The following DNAH1 variants were observed in gnomAD, a reference collection of about 807,000 sequenced individuals.
The protein encoded by DNAH1 is dynein axonemal heavy chain 1, also known as axonemal beta dynein heavy chain 1.
DNAH1 carries 327 observed loss-of-function variants against 484.3 expected under a neutral mutation model. The observed-to-expected ratio is 0.68, with a 90% CI of 0.62 to 0.74. The LOEUF is 0.74. Ranked by LOEUF, DNAH1 falls within the 30% of genes least tolerant of loss-of-function variation. DNAH1 has a pLI of 0.00. For synonymous variants in DNAH1, 2,192 were observed against 2,191.9 expected (o/e 1.00, Z 0.00); for missense variants, 5,052 against 5,546.8 (o/e 0.91, Z 2.83).
In DNAH1 at chr3:52,398,993, A is replaced by C; in HGVS notation, c.12233A>C (p.Lys4078Thr). The C allele has an allele frequency of 2.5e-6, 4 of 1,613,954 alleles. No individual in the cohort carries two copies. Among genetic ancestry groups the C allele is most frequent in the Non-Finnish European group, 3.4e-6 (4 of 1,179,856 alleles). Residue 4078 changes from lysine (K) to threonine (T), a missense_variant, in exon 76 of 78, where the codon AAG (lysine) becomes ACG (threonine). Lys to Thr is a moderately conservative substitution (Grantham distance 78). Around this residue, in one of 4 missense-constraint regions of DNAH1, gnomAD observed 853 missense variants for 899.0 expected, o/e 0.95. Coordinates refer to ENST00000420323, the MANE Select transcript of DNAH1 (RefSeq NM_015512.5). ...ACTGTGCCTGAGCTCTGGAGTGCCA[A>C]GGCCTACCCATCGCTCAAGCCTCTG... is the stretch of plus-strand genomic sequence containing the variant. ...NNTVPELWSA[K>T]AYPSLKPLSS...
Position 52,348,943 on chromosome 3 carries a change from T to C in DNAH1, c.2162T>C (p.Leu721Pro), listed in dbSNP as rs775700199. Residue 721 changes from leucine to proline, a missense_variant, in exon 13 of 78, where the codon CTT becomes CCT. Leu to Pro is a moderately conservative substitution (Grantham distance 98). Around this residue, in one of 4 missense-constraint regions of DNAH1, gnomAD observed 1,263 missense variants for 1,218.8 expected, o/e 1.04. Coordinates refer to ENST00000420323, the MANE Select transcript of DNAH1 (RefSeq NM_015512.5). ...SGDPLLESVG[L>P]HEPLVEELRA... Reference sequence around the variant, plus strand: ...GACCCCCTGCTGGAGTCCGTGGGCCTTCATGAGCCACTGGTGGAAGAGCTA... The same window carrying C: ...GACCCCCTGCTGGAGTCCGTGGGCCCTCATGAGCCACTGGTGGAAGAGCTA... The C allele has an allele frequency of 1.2e-6, 2 of 1,613,476 alleles. No homozygotes were observed. The highest frequency in any genetic ancestry group is 1.1e-5 in the South Asian group (1 of 91,082).
chr3:52,326,640 C>T, intron 4 of DNAH1, 95 bp from the exon 5 acceptor site: 1 of 1,455,566 alleles, frequency 6.9e-7, no homozygotes, highest in Non-Finnish European at 9.3e-7. Flanking sequence ...CGGCCACACC[C>T]CTGTCCCCAC....
Position 52,360,355 on chromosome 3 carries a change from C to T in DNAH1, c.4616C>T (p.Ala1539Val), listed in dbSNP as rs1702803778. ...NNDLYIRAVN[A>V]EFIYGYEYLG... ...GACCTGTATATCCGTGCTGTGAATG[C>T]TGAGTTCATCTATGGCTATGAGTAC... Residue 1539 changes from alanine to valine, a missense_variant, in exon 28 of 78, where the codon GCT (alanine) becomes GTT (valine). Physicochemically the swap from Ala to Val is moderately conservative, Grantham distance 64. This residue lies in a region of DNAH1 where 2,929 missense variants were observed against 3,409.4 expected (regional missense o/e 0.86). Transcript: ENST00000420323. The T allele has an allele frequency of 6.2e-7, 1 of 1,614,016 alleles. No individual in the cohort carries two copies. Among genetic ancestry groups the T allele is most frequent in the Non-Finnish European group, 8.5e-7 (1 of 1,179,874 alleles).
At chr3:52,393,215 C>A in intron 65 of DNAH1, 119 bp from the exon 66 acceptor site, 1 of 1,524,900 alleles carries the variant, frequency 6.6e-7, no homozygotes, top group Non-Finnish European at 8.9e-7. Context: ...CACCAAGTGC[C>A]CAAGAGGAGG....
intron 56 of DNAH1, 80 bp downstream of exon 56, chr3:52,386,933 T>C (rs1241105908): frequency 3.4e-5 from 47 of 1,399,462 alleles, no homozygotes; most frequent in Non-Finnish European, 4.3e-5. Flanking sequence ...GGAGAGGAGC[T>C]TGCCCCACCA....
chr3:52,378,246 C>T (rs1703688911), intron 46 of DNAH1, among the ~76,000 whole-genome samples: 1 of 151,908 alleles, frequency 6.6e-6, no homozygotes, highest in African/African-American at 2.4e-5. Context: ...AGACCCTCCC[C>T]AAGTGTGGCT....
intron 56 of DNAH1, among the ~76,000 whole-genome samples, chr3:52,387,804 G>C (rs984860657): frequency 7.9e-5 from 12 of 152,190 alleles, no homozygotes; most frequent in African/African-American, 2.9e-4. Context: ...TTAAACATGA[G>C]CCTGGTGGGC....
rs1704786447 is a variant in DNAH1, at chr3:52,399,169, A to G, written c.12409A>G (p.Ile4137Val). Residue 4137 changes from isoleucine (I) to valine (V), a missense_variant, in exon 76 of 78, where the codon ATC becomes GTC. Around this residue, in one of 4 missense-constraint regions of DNAH1, gnomAD observed 853 missense variants for 899.0 expected, o/e 0.95. Transcript: ENST00000420323. Reference protein sequence around the residue: ...TLQNFARKFVISIDTISFDFK... With the variant: ...TLQNFARKFVVSIDTISFDFK... ...GCAGAATTTTGCCCGCAAATTTGTC[A>G]TCTCCATTGACACCATCTCCTTTGA... 4 of 1,612,926 alleles carry G rather than the reference A, an allele frequency of 2.5e-6. No individual in the cohort carries two copies. The highest frequency in any genetic ancestry group is 3.4e-6 in the Non-Finnish European group (4 of 1,179,312).
chr3:52,341,956 G>A lies in DNAH1; in HGVS notation c.1287-2534G>A, dbSNP rs933395810. Among the ~76,000 whole-genome samples the A allele has an allele frequency of 3.9e-5, 6 of 152,188 alleles. No homozygotes were observed. The South Asian group carries it at 6.2e-4, about 16-fold the overall frequency. ...GACTCTCAGCCTGGCCAGAAAGACA[G>A]ACAATGAAAAATCTGGGTTTTTAGG... On this transcript the variant is annotated intron_variant, in intron 8 of 77. Transcript: ENST00000420323.
At chr3:52,367,587 T>G (rs1335005462) in intron 36 of DNAH1, among the ~76,000 whole-genome samples, 3 of 152,138 alleles carry the variant, frequency 2.0e-5, no homozygotes, top group African/African-American at 2.4e-5. Flanking sequence ...CCTTTTTTTT[T>G]TTTTGAGACG....
intron 8 of DNAH1, among the ~76,000 whole-genome samples, chr3:52,332,619 G>A (rs1701598324): frequency 6.6e-6 from 1 of 152,134 alleles, no homozygotes; most frequent in Non-Finnish European, 1.5e-5. Flanking sequence ...TATTCAAAGG[G>A]TTACAATTGA....
At chr3:52,387,738 G>GC (rs1704171943) in intron 56 of DNAH1, among the ~76,000 whole-genome samples, 1 of 152,192 alleles carries the variant, frequency 6.6e-6, no homozygotes, top group Admixed American at 6.5e-5. Context: ...GAACTACAGG[G>GC]CTGGACTCTC....
chr3:52,359,590 G>T (rs1456643349), intron 26 of DNAH1, among the ~76,000 whole-genome samples: 1 of 152,188 alleles, frequency 6.6e-6, no homozygotes, highest in Non-Finnish European at 1.5e-5. Context: ...CCTCTGCAAG[G>T]GTCAGTGAGG....
At chr3:52,349,901 G>A in intron 14 of DNAH1, 88 bp from the exon 15 acceptor site, 1 of 1,503,518 alleles carries the variant, frequency 6.7e-7, no homozygotes, top group Non-Finnish European at 9.0e-7. Flanking sequence ...TACCTGTCGG[G>A]AGATGCTGGA....
intron 20 of DNAH1, 33 bp from the exon 21 acceptor site, chr3:52,354,810 C>A: frequency 6.2e-7 from 1 of 1,608,676 alleles, no homozygotes; most frequent in Non-Finnish European, 8.5e-7. Flanking sequence ...CCAGCCCCTC[C>A]CAGGACTCAG....
chr3:52,375,879 C>T, intron 45 of DNAH1, 76 bp from the exon 46 acceptor site: 4 of 1,541,646 alleles, frequency 2.6e-6, no homozygotes, highest in Non-Finnish European at 3.6e-6. Flanking sequence ...GTTTCCCCCA[C>T]CATCTCACCT....
At chr3:52,374,780 CTG>C in intron 44 of DNAH1, 4 of 1,065,008 alleles carry the variant, frequency 3.8e-6, no homozygotes, top group Non-Finnish European at 5.8e-6. Flanking sequence ...TGTTTGATGA[CTG>C]TACACAACAG....
Position 52,316,323 on chromosome 3 carries a change from G to A in DNAH1, c.-257G>A, listed in dbSNP as rs1700949174. The A allele has an allele frequency of 1.3e-5, 2 of 152,290 alleles. 1 individual carries two copies. The highest frequency in any genetic ancestry group is 4.1e-4 in the South Asian group (2 of 4,834). 9.4% of individuals were successfully genotyped at this position (152,290 alleles called of 1,614,324 possible). ...AGGTGCCTCTCTACAGGCCAAGGGG[G>A]GTACCCAACCTATACGCAGACCCAT... On this transcript the variant is annotated 5_prime_UTR_variant, in exon 1 of 78. Coordinates refer to ENST00000420323, the MANE Select transcript of DNAH1 (RefSeq NM_015512.5).
chr3:52,327,794 T>C, intron 5 of DNAH1, 88 bp from the exon 6 acceptor site: 1 of 1,515,608 alleles, frequency 6.6e-7, no homozygotes, highest in Admixed American at 1.8e-5. Flanking sequence ...GGGTATTACT[T>C]AGGCACCCCA....
Sources: gnomAD v4.1 joint callset for allele counts (sites outside exome capture counted in the v4.1 genomes callset) on GRCh38, gnomAD v4.1.1 for gene constraint, gnomAD v4.1.1 regional missense constraint, MANE v1.5 for transcripts, NCBI Gene and HGNC (gene_info 2026-07-23, HGNC 2026-07-21) for gene names.